TET3: variants seen among roughly 807,000 people sequenced by gnomAD.
The protein encoded by TET3 is methylcytosine dioxygenase TET3.
TET3 carries 19 observed loss-of-function variants against 141.4 expected under a neutral mutation model. That is an observed-to-expected ratio of 0.13 (90% CI 0.09 to 0.20). The LOEUF is 0.20. Among genes scored for constraint, TET3 ranks in the 10% least tolerant of loss-of-function variants. The pLI, the probability that TET3 is intolerant of heterozygous loss-of-function variation, is 1.00. For synonymous variants in TET3, 1,043 were observed against 980.9 expected (o/e 1.06, Z -1.18); for missense variants, 1,874 against 2,356.9 (o/e 0.80, Z 4.24).
chr2:74,120,923 G>C, the TET3 span: 3 of 152,052 alleles, frequency 2.0e-5, no homozygotes, highest in Non-Finnish European at 2.9e-5. Flanking sequence ...TTGAGGTCTT[G>C]AACTTTCAGA....
chr2:74,118,763 T>G, the TET3 span, among the ~76,000 whole-genome samples: 1 of 152,208 alleles, frequency 6.6e-6, no homozygotes, highest in African/African-American at 2.4e-5. Context: ...GGGAATTTGT[T>G]GCAGACATCA....
chr2:74,028,236 C>T (rs1232093351), intron 3 of TET3, among the ~76,000 whole-genome samples: 1 of 151,698 alleles, frequency 6.6e-6, no homozygotes, highest in Non-Finnish European at 1.5e-5. Flanking sequence ...AGCAATTCTT[C>T]AGCCACCCAA....
intron 8 of TET3, among the ~76,000 whole-genome samples, chr2:74,091,232 A>C (rs942593638): frequency 1.3e-5 from 2 of 152,168 alleles, no homozygotes; most frequent in African/African-American, 4.8e-5. Context: ...TGCTTCAATG[A>C]ATGGAGCCCT....
intron 3 of TET3, among the ~76,000 whole-genome samples, chr2:74,038,916 G>C (rs1424051668): frequency 6.6e-6 from 1 of 152,220 alleles, no homozygotes; most frequent in African/African-American, 2.4e-5. Flanking sequence ...GATTGATTCT[G>C]TTCCTTGTCT....
chr2:74,074,457 C>A (rs2103946251), intron 5 of TET3, among the ~76,000 whole-genome samples: 1 of 152,316 alleles, frequency 6.6e-6, no homozygotes, highest in East Asian at 1.9e-4. Context: ...TCTAGGGTTT[C>A]TGTTTACTAG....
intron 8 of TET3, among the ~76,000 whole-genome samples, chr2:74,090,485 G>A (rs756596902): frequency 6.6e-6 from 1 of 152,186 alleles, no homozygotes; most frequent in Non-Finnish European, 1.5e-5. Flanking sequence ...CTCCCACCCT[G>A]CCTGGCTGCC....
intron 3 of TET3, among the ~76,000 whole-genome samples, chr2:74,003,559 A>AGG (rs1173607624): frequency 4.4e-3 from 17 of 3,894 alleles, no homozygotes; most frequent in African/African-American, 6.3e-3. Context: ...GTGTGCGGGG[A>AGG]GGGGGGGTGG....
At chr2:74,009,325 C>A (rs1490963720) in intron 3 of TET3, among the ~76,000 whole-genome samples, 1 of 152,202 alleles carries the variant, frequency 6.6e-6, no homozygotes, top group South Asian at 2.1e-4. Context: ...GAGCTGAGAA[C>A]CCTGCCTGGA....
chr2:74,066,233 A>G (rs1407545904), intron 4 of TET3, among the ~76,000 whole-genome samples: 1 of 152,150 alleles, frequency 6.6e-6, no homozygotes, highest in Admixed American at 6.5e-5. Context: ...TTTGATTTTT[A>G]TATTTGTATC....
chr2:73,991,121 TTAAA>T (rs2105080984), intron 2 of TET3, among the ~76,000 whole-genome samples: 1 of 151,588 alleles, frequency 6.6e-6, no homozygotes, highest in Non-Finnish European at 1.5e-5. Context: ...TGGTGTTTTT[TTAAA>T]TAGAGACAGG....
chr2:74,046,635 C>T lies in TET3; in HGVS notation c.718C>T (p.Arg240Trp), dbSNP rs755564332. Residue 240 changes from arginine to tryptophan, a missense_variant, in exon 4 of 12, where the codon CGG becomes TGG. Physicochemically the swap from Arg to Trp is moderately radical, Grantham distance 101 (BLOSUM62 -3). Transcript: ENST00000409262. The surrounding 1 kb of genome is among the most constrained non-coding windows in gnomAD (Gnocchi z 4.3). ...REAGNNSRGP[R>W]PGPEGCSAGS... ...GGCTGGGAACAACAGCAGGGGACCC[C>T]GGCCAGGGCCTGAGGGCTGCTCTGC... The T allele has an allele frequency of 4.9e-5, 79 of 1,613,938 alleles. No homozygotes were observed. Among genetic ancestry groups the T allele is most frequent in the Non-Finnish European group, 6.4e-5 (76 of 1,179,912 alleles).
intron 7 of TET3, among the ~76,000 whole-genome samples, 200 bp from the exon 8 acceptor site, chr2:74,089,697 C>G (rs1331624847): frequency 6.6e-6 from 1 of 152,202 alleles, no homozygotes. Context: ...CGCAGTGGTG[C>G]AGGCAGCAGA....
At position 74,100,908 on chromosome 2, in the gene TET3, C is replaced by A; in HGVS notation, c.4120C>A (p.Leu1374Ile). ...PKEYLLPKAP[L>I]LHSVSRDPSP... ...GGAGTATCTGCTTCCCAAGGCCCCCCTACTCCACTCAGTGTCCAGGGACCC... is the reference window on the plus strand; with the variant it reads ...GGAGTATCTGCTTCCCAAGGCCCCCATACTCCACTCAGTGTCCAGGGACCC... The change falls in exon 12 of 12, where the codon CTA (leucine) becomes ATA (isoleucine). Residue 1374 changes from leucine (L) to isoleucine (I), a missense_variant. Physicochemically the swap from Leu to Ile is conservative, Grantham distance 5 (BLOSUM62 2). Around this residue, in one of 10 missense-constraint regions of TET3, gnomAD observed 602 missense variants for 590.2 expected, o/e 1.02. Transcript: ENST00000409262. 1.2e-6 allele frequency: 2 copies of A among 1,610,262 alleles called. No individual in the cohort carries two copies. Among genetic ancestry groups the A allele is most frequent in the Non-Finnish European group, 1.7e-6 (2 of 1,178,412 alleles).
At chr2:74,122,677 C>CTTT in the TET3 span, among the ~76,000 whole-genome samples, 2 of 42,406 alleles carry the variant, frequency 4.7e-5, no homozygotes, top group African/African-American at 1.3e-4. Context: ...CTACACCTAG[C>CTTT]TTTTTTTTTT....
intron 2 of TET3, among the ~76,000 whole-genome samples, chr2:73,991,176 T>G (rs1367164130): frequency 6.6e-6 from 1 of 151,292 alleles, no homozygotes; most frequent in African/African-American, 2.4e-5. Flanking sequence ...ACTGGTGAAT[T>G]ACAATTTTTA....
chr2:74,013,786 T>C (rs2105206417), intron 3 of TET3, among the ~76,000 whole-genome samples: 1 of 152,270 alleles, frequency 6.6e-6, no homozygotes, highest in East Asian at 1.9e-4. Context: ...CCCTCCAGCC[T>C]GGGCGACAGA....
intron 3 of TET3, among the ~76,000 whole-genome samples, chr2:74,038,220 A>G (rs942902440): frequency 5.3e-5 from 8 of 152,178 alleles, no homozygotes; most frequent in East Asian, 1.9e-4. Flanking sequence ...GCGATGCTGT[A>G]TGCACATATG....
intron 3 of TET3, among the ~76,000 whole-genome samples, chr2:74,017,961 C>CT (rs35319685): frequency 0.015 from 1,445 of 97,024 alleles, 17 homozygotes; most frequent in Non-Finnish European, 0.018. Context: ...TCTTCTGTCT[C>CT]TTTTTTTTTT....
chr2:74,027,184 C>G (rs1160330450), intron 3 of TET3, among the ~76,000 whole-genome samples: 1 of 152,172 alleles, frequency 6.6e-6, no homozygotes, highest in Non-Finnish European at 1.5e-5. Flanking sequence ...TGAGGGTGAG[C>G]TCACTGGCTC....
Sources: allele counts gnomAD v4.1 joint callset (sites outside exome capture counted in the v4.1 genomes callset), GRCh38; gene constraint gnomAD v4.1.1; regional missense constraint gnomAD v4.1.1; non-coding constraint Gnocchi (gnomAD v3.1); transcripts MANE v1.5; gene names NCBI Gene and HGNC (gene_info 2026-07-23, HGNC 2026-07-21).